The following CUL4A variants were observed in gnomAD, a reference collection of about 807,000 sequenced individuals.
CUL4A encodes cullin-4A.
Under a neutral mutation model 95.5 loss-of-function variants are expected in CUL4A, and 16 were observed. The observed-to-expected ratio is 0.17, with a 90% CI of 0.11 to 0.25. CUL4A has a LOEUF of 0.25. Among genes scored for constraint, CUL4A ranks in the 10% least tolerant of loss-of-function variants. CUL4A has a pLI of 1.00. For missense variants in CUL4A, 610 were observed against 937.0 expected (o/e 0.65, Z 4.56); for synonymous variants, 380 against 353.1 (o/e 1.08, Z -0.85).
At chr13:113,254,930 G>A (rs1242725080) in intron 17 of CUL4A, 23 bp from the exon 18 acceptor site, 4 of 1,607,922 alleles carry the variant, frequency 2.5e-6, no homozygotes, top group Admixed American at 1.7e-5. Context: ...GCCAGCCTTT[G>A]CCTGCATTTG....
chr13:113,216,535 A>G (rs1250028656), intron 2 of CUL4A, among the ~76,000 whole-genome samples: 1 of 152,250 alleles, frequency 6.6e-6, no homozygotes, highest in Non-Finnish European at 1.5e-5. Context: ...AGTAGAATGC[A>G]AATGATACTT....
At chr13:113,218,893 G>A (rs1298527349) in intron 2 of CUL4A, 52 bp from the exon 3 acceptor site, 2 of 1,304,916 alleles carry the variant, frequency 1.5e-6, no homozygotes, top group African/African-American at 1.6e-5. Flanking sequence ...GTTTTTTTAT[G>A]AACCAATCTG....
At chr13:113,257,706 A>G (rs2042165702) in intron 18 of CUL4A, among the ~76,000 whole-genome samples, 1 of 149,596 alleles carries the variant, frequency 6.7e-6, no homozygotes, top group Admixed American at 6.6e-5. Context: ...TTTTGAGGGG[A>G]CACATATTCA....
intron 19 of CUL4A, among the ~76,000 whole-genome samples, chr13:113,262,378 G>A (rs1173950166): frequency 2.0e-5 from 3 of 152,176 alleles, no homozygotes; most frequent in Admixed American, 6.5e-5. Context: ...CAGGCCAGGC[G>A]CACTGCCTCA....
chr13:113,240,401 A>T (rs2041673607), intron 10 of CUL4A, among the ~76,000 whole-genome samples: 1 of 152,212 alleles, frequency 6.6e-6, no homozygotes, highest in African/African-American at 2.4e-5. Context: ...GATGCCCCTC[A>T]CAGAAACAGG....
chr13:113,257,017 C>T (rs569013073), intron 18 of CUL4A, among the ~76,000 whole-genome samples: 11 of 148,958 alleles, frequency 7.4e-5, no homozygotes, highest in East Asian at 4.0e-4. Context: ...CTCCGTCCTC[C>T]GGGTTCAAGC....
intron 18 of CUL4A, among the ~76,000 whole-genome samples, chr13:113,258,122 C>A (rs2042177438): frequency 6.6e-6 from 1 of 152,046 alleles, no homozygotes; most frequent in Non-Finnish European, 1.5e-5. Context: ...ATCCTCCCAC[C>A]TCAGCCCCAG....
intron 18 of CUL4A, among the ~76,000 whole-genome samples, chr13:113,258,822 G>A (rs1399123722): frequency 6.6e-6 from 1 of 152,160 alleles, no homozygotes; most frequent in African/African-American, 2.4e-5. Context: ...GCTTTGCTCA[G>A]GAACTGAAAG....
Position 113,266,827 on chromosome 13 carries a change from AATAC to A in CUL4A, c.*3249_*3252del, listed in dbSNP as rs150134918. On this transcript the variant is annotated 3_prime_UTR_variant, in exon 20 of 20. Coordinates refer to ENST00000375440, the MANE Select transcript of CUL4A (RefSeq NM_001008895.4). ...GTGGTCAAGTATTTACGTGTAAAAA[AATAC>A]ATATATATGAAACCATAATCATAAG... 8.2e-3 allele frequency: 1,256 copies of A among 152,338 alleles called. 20 individuals carry two copies. Among genetic ancestry groups the A allele is most frequent in the African/African-American group, 0.029 (1,197 of 41,586 alleles). 9.4% of individuals were successfully genotyped at this position (152,338 alleles called of 1,614,324 possible). A position where few individuals can be genotyped will look rare whatever the true frequency, so the allele number is the denominator to read the frequency against.
intron 5 of CUL4A, 52 bp downstream of exon 5, chr13:113,229,571 C>A: frequency 6.8e-7 from 1 of 1,468,074 alleles, no homozygotes; most frequent in Non-Finnish European, 9.5e-7. Context: ...TGATGCTTTT[C>A]GTCCCGTTTG....
intron 10 of CUL4A, 83 bp downstream of exon 10, chr13:113,239,634 G>A (rs2041649958): frequency 1.9e-6 from 2 of 1,034,322 alleles, no homozygotes; most frequent in Non-Finnish European, 1.4e-6. Flanking sequence ...AGTGTGCCCT[G>A]GCAAAGGGAA....
At chr13:113,213,970 A>G (rs746847337) in intron 2 of CUL4A, among the ~76,000 whole-genome samples, 4 of 152,258 alleles carry the variant, frequency 2.6e-5, no homozygotes, top group Non-Finnish European at 5.9e-5. Flanking sequence ...AAGAAAAGCA[A>G]ATGTGAAATT....
chr13:113,210,554 G>A (rs1447545872), intron 2 of CUL4A, among the ~76,000 whole-genome samples: 3 of 152,218 alleles, frequency 2.0e-5, no homozygotes, highest in Non-Finnish European at 4.4e-5. Flanking sequence ...GTTGTGTTTT[G>A]TGATTAGTGG....
chr13:113,240,116 C>T (rs905956750), intron 10 of CUL4A, among the ~76,000 whole-genome samples: 1 of 152,218 alleles, frequency 6.6e-6, no homozygotes, highest in Non-Finnish European at 1.5e-5. Context: ...ATGTCCTGTG[C>T]AGGAGAACGG....
intron 2 of CUL4A, among the ~76,000 whole-genome samples, chr13:113,211,890 T>TATGGGAGCTCCGGTTCCACTCC (rs2040460436): frequency 6.6e-6 from 1 of 152,158 alleles, no homozygotes; most frequent in Admixed American, 6.5e-5. Context: ...CCCAGCAGTG[T>TATGGGAGCTCCGGTTCCACTCC]ATGGGAGCTC....
At position 113,253,211 on chromosome 13, in the gene CUL4A, C is replaced by G; in HGVS notation, c.1752+16C>G. The G allele has an allele frequency of 7.3e-7, 1 of 1,371,122 alleles. No individual in the cohort carries two copies. Among genetic ancestry groups the G allele is most frequent in the Non-Finnish European group, 9.9e-7 (1 of 1,005,180 alleles). 84.9% of individuals were successfully genotyped at this position (1,371,122 alleles called of 1,614,324 possible). On this transcript the variant is annotated intron_variant, in intron 16 of 19. Coordinates refer to ENST00000375440, the MANE Select transcript of CUL4A (RefSeq NM_001008895.4). ...GTTTAAAGAAGTAAGTTGTCTGTTT[C>G]ATTTATTTTTTATTATTTGTAAATA...
chr13:113,229,394 A>C, intron 4 of CUL4A, 52 bp from the exon 5 acceptor site: 1 of 1,509,976 alleles, frequency 6.6e-7, no homozygotes. Flanking sequence ...CTGATCTTTC[A>C]TATTTTGCTA....
At chr13:113,209,257 T>A (rs2040227327), upstream of CUL4A, among the ~76,000 whole-genome samples, 1 of 139,786 alleles carries the variant, frequency 7.2e-6, no homozygotes, top group African/African-American at 2.7e-5. Context: ...TCAGGAGGGG[T>A]GCCCGCGGCA....
At chr13:113,232,070 A>G (rs1315843928) in intron 5 of CUL4A, among the ~76,000 whole-genome samples, 11 of 130,478 alleles carry the variant, frequency 8.4e-5, no homozygotes, top group East Asian at 4.5e-4. Context: ...CATTACTGTC[A>G]CCACTACCCG....
Sources: gnomAD v4.1 joint callset for allele counts (sites outside exome capture counted in the v4.1 genomes callset) on GRCh38, gnomAD v4.1.1 for gene constraint, MANE v1.5 for transcripts, NCBI Gene and HGNC (gene_info 2026-07-23, HGNC 2026-07-21) for gene names.